CR1L: variants seen among roughly 807,000 people sequenced by gnomAD.
The protein encoded by CR1L is complement component receptor 1-like protein.
A neutral mutation model predicts 62.3 loss-of-function variants in CR1L; 59 were observed. That is an observed-to-expected ratio of 0.95 (90% confidence interval 0.77 to 1.18). CR1L has a LOEUF of 1.18. CR1L is among the 50% of genes most tolerant of loss of function. The pLI, the probability that CR1L is intolerant of heterozygous loss-of-function variation, is 0.00. For synonymous variants in CR1L, 279 were observed against 248.7 expected (o/e 1.12, Z -1.15); for missense variants, 700 against 702.8 (o/e 1.00, Z 0.04).
At chr1:207,710,815 G>T (rs1436015106) in intron 10 of CR1L, 182 of 1,512,052 alleles carry the variant, frequency 1.2e-4, no homozygotes, top group Non-Finnish European at 4.5e-5. Flanking sequence ...GAAGGGCCCT[G>T]CAAGTGACAT....
chr1:207,683,074 T>C (rs894853677), intron 3 of CR1L, among the ~76,000 whole-genome samples: 2 of 149,476 alleles, frequency 1.3e-5, no homozygotes, highest in South Asian at 4.4e-4. Context: ...TTCTTTCTCT[T>C]TCTTTCTTTC....
intron 4 of CR1L, among the ~76,000 whole-genome samples, chr1:207,692,558 G>A (rs1470078296): frequency 2.6e-5 from 4 of 152,134 alleles, no homozygotes; most frequent in South Asian, 4.1e-4. Context: ...TTATGCTGCC[G>A]TGACCACCTC....
chr1:207,677,434 A>G lies in CR1L; in HGVS notation c.143A>G (p.Asn48Ser). 6.2e-7 allele frequency: 1 copy of G among 1,613,644 alleles called. No homozygotes were observed. Reference protein sequence around the residue: ...PEWLPFARPTNLTDDFEFPIG... With the variant: ...PEWLPFARPTSLTDDFEFPIG... Reference sequence around the variant, plus strand: ...TGGCTTCCATTTGCCAGGCCTACCAACCTAACTGATGACTTTGAGTTTCCC... The same window carrying G: ...TGGCTTCCATTTGCCAGGCCTACCAGCCTAACTGATGACTTTGAGTTTCCC... The change falls in exon 2 of 12, where the codon AAC becomes AGC. Residue 48 changes from asparagine (N) to serine (S), a missense_variant. Transcript: ENST00000508064.
At chr1:207,674,864 G>GTT (rs1160342931) in intron 1 of CR1L, among the ~76,000 whole-genome samples, 3,951 of 148,734 alleles carry the variant, frequency 0.027, 182 homozygotes, top group African/African-American at 0.092. Context: ...TTTTATTCGT[G>GTT]TTTTTTTTTT....
At chr1:207,707,785 T>TAC (rs10523807) in intron 9 of CR1L, among the ~76,000 whole-genome samples, 17,731 of 126,716 alleles carry the variant, frequency 0.14, 1,284 homozygotes, top group Admixed American at 0.19. Context: ...GGCATAGTAT[T>TAC]ACACACACAC....
intron 1 of CR1L, among the ~76,000 whole-genome samples, chr1:207,657,796 G>A (rs532456377): frequency 1.1e-4 from 17 of 152,244 alleles, no homozygotes; most frequent in Middle Eastern, 3.4e-3. Context: ...GGACTTGCCC[G>A]TTTAAACAAA....
At chr1:207,707,746 AT>A in intron 9 of CR1L, among the ~76,000 whole-genome samples, 1 of 151,562 alleles carries the variant, frequency 6.6e-6, no homozygotes. Context: ...CAAATCTTGT[AT>A]TTATAAAAAA....
intron 9 of CR1L, among the ~76,000 whole-genome samples, chr1:207,704,372 T>C (rs1207043946): frequency 6.6e-6 from 1 of 152,218 alleles, no homozygotes; most frequent in East Asian, 1.9e-4. Context: ...AGTCTCTTCC[T>C]GGTGAAGATG....
chr1:207,696,623 G>A (rs532144921), intron 5 of CR1L, among the ~76,000 whole-genome samples: 2 of 152,252 alleles, frequency 1.3e-5, no homozygotes, highest in East Asian at 3.9e-4. Context: ...CCCTAAAGAA[G>A]TCATTTTTCT....
At chr1:207,670,451 G>A (rs1475580136) in intron 1 of CR1L, among the ~76,000 whole-genome samples, 2 of 151,050 alleles carry the variant, frequency 1.3e-5, no homozygotes, top group African/African-American at 2.5e-5. Context: ...TTAACTTCAA[G>A]TAGGTAAACA....
intron 11 of CR1L, among the ~76,000 whole-genome samples, chr1:207,721,606 G>C (rs1407400585): frequency 1.4e-5 from 2 of 145,278 alleles, no homozygotes; most frequent in Non-Finnish European, 3.0e-5. Context: ...GGACATTTGG[G>C]TTGGTTCCAA....
At chr1:207,707,443 A>C (rs1977266) in intron 9 of CR1L, among the ~76,000 whole-genome samples, 98,189 of 152,050 alleles carry the variant, frequency 0.65, 33,258 homozygotes, top group East Asian at 0.87. Flanking sequence ...GTCTGGCCAA[A>C]GTGGTGAAAC....
intron 1 of CR1L, chr1:207,655,166 G>A (rs1663285537): frequency 1.5e-5 from 8 of 544,274 alleles, no homozygotes; most frequent in South Asian, 1.5e-4. Flanking sequence ...ATACAAAACA[G>A]TAACCCTTTC....
At chr1:207,664,226 G>A (rs1184970333) in intron 1 of CR1L, among the ~76,000 whole-genome samples, 1 of 152,198 alleles carries the variant, frequency 6.6e-6, no homozygotes, top group African/African-American at 2.4e-5. Context: ...ACTAATTGTA[G>A]GAAGAGCATT....
intron 8 of CR1L, among the ~76,000 whole-genome samples, chr1:207,700,036 T>A (rs1019785283): frequency 6.6e-5 from 10 of 151,958 alleles, no homozygotes; most frequent in Non-Finnish European, 7.4e-5. Context: ...GTCATTTTTT[T>A]AAAATGAGCC....
chr1:207,686,478 T>C (rs1663914833), intron 4 of CR1L, among the ~76,000 whole-genome samples: 1 of 152,170 alleles, frequency 6.6e-6, no homozygotes, highest in Non-Finnish European at 1.5e-5. Context: ...ATCGATGTAA[T>C]CATATCTGTT....
intron 1 of CR1L, among the ~76,000 whole-genome samples, chr1:207,646,613 A>G (rs1031017671): frequency 1.4e-5 from 2 of 139,364 alleles, no homozygotes; most frequent in South Asian, 4.9e-4. Flanking sequence ...CCAGAGGCTG[A>G]GGTGGGAGGA....
intron 1 of CR1L, among the ~76,000 whole-genome samples, chr1:207,661,289 G>C (rs1209141440): frequency 1.3e-5 from 2 of 152,292 alleles, no homozygotes; most frequent in African/African-American, 2.4e-5. Context: ...AAGTCTCTTT[G>C]TAGGTCACTA....
At chr1:207,698,680 C>G (rs376850176) in intron 7 of CR1L, among the ~76,000 whole-genome samples, 1 of 152,112 alleles carries the variant, frequency 6.6e-6, no homozygotes. Context: ...TCCTTTTTCC[C>G]CTAGAATATT....
Sources: gnomAD v4.1 joint callset for allele counts (sites outside exome capture counted in the v4.1 genomes callset) on GRCh38, gnomAD v4.1.1 for gene constraint, MANE v1.5 for transcripts, NCBI Gene and HGNC (gene_info 2026-07-23, HGNC 2026-07-21) for gene names.